MINDY2: variants seen among roughly 807,000 people sequenced by gnomAD.
The protein encoded by MINDY2 is ubiquitin carboxyl-terminal hydrolase MINDY-2.
In MINDY2, 52 loss-of-function variants were observed where a neutral mutation model predicts 68.2. The observed-to-expected ratio is 0.76, with a 90% CI of 0.61 to 0.96. The LOEUF (loss-of-function observed/expected upper bound fraction) is 0.96, where lower values mean the gene tolerates loss of function less well. MINDY2 is among the 40% of genes least tolerant of loss of function. The pLI is 0.00. For missense variants in MINDY2, 881 were observed against 773.4 expected, an observed-to-expected ratio of 1.14 and a Z score of -1.65; for synonymous variants, 372 against 303.0, an observed-to-expected ratio of 1.23 and a Z score of -2.36.
At position 58,790,416 on chromosome 15, in the gene MINDY2, CAG is replaced by C. The variant is rs1901806262; in HGVS notation, c.898+2458_898+2459del. 1.3e-5 allele frequency among the ~76,000 whole-genome samples: 2 copies of C among 152,040 alleles called. 1 individual carries two copies. The highest frequency in any genetic ancestry group is 2.9e-5 in the Non-Finnish European group (2 of 68,018). ...AAAGGGGAGTTGTAGGAGATGAGAT[CAG>C]AGAGTTGATGCAGTCAGGTCATATG... On this transcript the variant is annotated intron_variant, in intron 2 of 8. Transcript: ENST00000559228.
chr15:58,848,992 C>G (rs1209883638), intron 7 of MINDY2, among the ~76,000 whole-genome samples: 1 of 151,718 alleles, frequency 6.6e-6, no homozygotes, highest in Non-Finnish European at 1.5e-5. Context: ...GGTGGATCAC[C>G]TGAGGTCAGG....
At chr15:58,851,216 C>T (rs565991705) in intron 7 of MINDY2, among the ~76,000 whole-genome samples, 417 of 152,086 alleles carry the variant, frequency 2.7e-3, no homozygotes, top group Non-Finnish European at 4.2e-3. Context: ...TCAAGCGATC[C>T]ACCTGCCTTG....
intron 4 of MINDY2, among the ~76,000 whole-genome samples, chr15:58,811,728 A>C (rs190382719): frequency 6.6e-6 from 1 of 152,206 alleles, no homozygotes; most frequent in South Asian, 2.1e-4. Context: ...GCCAAATTCA[A>C]CTGATTATTA....
intron 7 of MINDY2, among the ~76,000 whole-genome samples, chr15:58,849,500 G>A (rs813219): frequency 0.2 from 30,208 of 151,678 alleles, 3,166 homozygotes; most frequent in South Asian, 0.37. Context: ...GCAAGACTCC[G>A]TCTCAAAAAA....
At chr15:58,778,321 T>G (rs1900904869) in intron 1 of MINDY2, among the ~76,000 whole-genome samples, 1 of 152,120 alleles carries the variant, frequency 6.6e-6, no homozygotes, top group Admixed American at 6.6e-5. Flanking sequence ...TCTTAACTCT[T>G]TTTGGTAGGG....
chr15:58,831,960 G>A (rs1287568511), intron 6 of MINDY2, 44 bp downstream of exon 6: 2 of 1,550,412 alleles, frequency 1.3e-6, no homozygotes, highest in East Asian at 4.6e-5. Context: ...CTAAATCAAA[G>A]GAGCTTGATT....
intron 4 of MINDY2, among the ~76,000 whole-genome samples, chr15:58,820,960 TA>T (rs1383285321): frequency 6.6e-6 from 1 of 150,714 alleles, no homozygotes; most frequent in Non-Finnish European, 1.5e-5. Context: ...AATATAAATA[TA>T]TTTTTATATA....
At chr15:58,787,772 C>A in intron 1 of MINDY2, 134 bp from the exon 2 acceptor site, 29 of 347,450 alleles carry the variant, frequency 8.3e-5, no homozygotes, top group Admixed American at 1.0e-4. Context: ...TATAAAGATT[C>A]TAATATATGT....
intron 8 of MINDY2, among the ~76,000 whole-genome samples, chr15:58,853,842 A>G (rs1412345300): frequency 7.2e-6 from 1 of 138,960 alleles, no homozygotes; most frequent in East Asian, 2.1e-4. Context: ...AAAAAAAAAA[A>G]GTCTGTTTAT....
intron 2 of MINDY2, among the ~76,000 whole-genome samples, chr15:58,792,555 G>A (rs372328740): frequency 5.9e-5 from 9 of 152,236 alleles, no homozygotes; most frequent in Non-Finnish European, 1.3e-4. Flanking sequence ...GCAGTGAGCC[G>A]AGATCATGCG....
intron 2 of MINDY2, among the ~76,000 whole-genome samples, chr15:58,792,873 G>A (rs552241732): frequency 1.1e-3 from 174 of 152,132 alleles, no homozygotes; most frequent in African/African-American, 3.9e-3. Context: ...CTGGTGGTGC[G>A]TGCCTATGGT....
intron 2 of MINDY2, among the ~76,000 whole-genome samples, chr15:58,792,777 A>T (rs1902030596): frequency 6.6e-6 from 1 of 152,194 alleles, no homozygotes. Flanking sequence ...ACATGGATGA[A>T]CCCTGAAACT....
chr15:58,848,472 G>C (rs777612709), intron 7 of MINDY2, among the ~76,000 whole-genome samples: 19 of 152,140 alleles, frequency 1.2e-4, no homozygotes, highest in Non-Finnish European at 2.5e-4. Flanking sequence ...CTCCGGGTGC[G>C]GTGGCTCACA....
At chr15:58,804,652 A>G (rs1595730461) in intron 3 of MINDY2, among the ~76,000 whole-genome samples, 1 of 152,104 alleles carries the variant, frequency 6.6e-6, no homozygotes, top group East Asian at 1.9e-4. Flanking sequence ...CAAAAAATAC[A>G]AAACGTTTGC....
At chr15:58,823,382 T>A (rs1180939515) in intron 5 of MINDY2, among the ~76,000 whole-genome samples, 1 of 151,946 alleles carries the variant, frequency 6.6e-6, no homozygotes, top group African/African-American at 2.4e-5. Flanking sequence ...CATATAAAGA[T>A]ACAGGGACAG....
rs374961079 is a variant in MINDY2, at chr15:58,861,642, A to G, written c.*7032A>G. 6.6e-6 allele frequency: 1 copy of G among 152,224 alleles called. No individual in the cohort carries two copies. The highest frequency in any genetic ancestry group is 1.5e-5 in the Non-Finnish European group (1 of 68,034). 9.4% of individuals were successfully genotyped at this position (152,224 alleles called of 1,614,324 possible). On this transcript the variant is annotated 3_prime_UTR_variant, in exon 9 of 9. Coordinates refer to ENST00000559228, the MANE Select transcript of MINDY2 (RefSeq NM_001040450.3). ...CTTAAAAACAATGTCATCAGTTTCA[A>G]AACTTTCACTTTGGGAGGATATTCC...
At chr15:58,789,961 T>C (rs1172668546) in intron 2 of MINDY2, among the ~76,000 whole-genome samples, 1 of 151,922 alleles carries the variant, frequency 6.6e-6, no homozygotes, top group Non-Finnish European at 1.5e-5. Flanking sequence ...TTTATTTTTG[T>C]AGAGATTGGG....
intron 6 of MINDY2, among the ~76,000 whole-genome samples, chr15:58,837,769 C>T (rs1005685652): frequency 6.6e-6 from 1 of 151,642 alleles, no homozygotes; most frequent in Non-Finnish European, 1.5e-5. Context: ...AGTTAGAGAC[C>T]AGCATGGACA....
At chr15:58,809,147 G>T (rs1194064007) in intron 3 of MINDY2, among the ~76,000 whole-genome samples, 1 of 152,150 alleles carries the variant, frequency 6.6e-6, no homozygotes, top group East Asian at 1.9e-4. Context: ...AGGAGTTTGA[G>T]GCTGTGGTGA....
Sources: gnomAD v4.1 joint callset for allele counts (sites outside exome capture counted in the v4.1 genomes callset) on GRCh38, gnomAD v4.1.1 for gene constraint, MANE v1.5 for transcripts, NCBI Gene and HGNC (gene_info 2026-07-23, HGNC 2026-07-21) for gene names.